Variants in ANGPT1 observed in about 807,000 individuals in gnomAD.
The protein encoded by ANGPT1 is angiopoietin 1.
Under a neutral mutation model 62.2 loss-of-function variants are expected in ANGPT1, and 17 were observed. The ratio of observed to expected loss-of-function variants is 0.27; its 90% CI spans 0.19 to 0.41. The LOEUF is 0.41. Among genes scored for constraint, ANGPT1 ranks in the 10% least tolerant of loss-of-function variants. The probability of loss-of-function intolerance (pLI) is 1.00; values close to 1 mark genes in which losing one functional copy is unlikely to be tolerated. For synonymous variants in ANGPT1, 199 were observed against 198.9 expected (o/e 1.00, Z 0.00); for missense variants, 478 against 594.9 (o/e 0.80, Z 2.04).
chr8:107,395,183 A>T (rs1394043650), intron 1 of ANGPT1, among the ~76,000 whole-genome samples: 23 of 152,154 alleles, frequency 1.5e-4, no homozygotes, highest in Non-Finnish European at 2.9e-5. Flanking sequence ...GAGTACTTAC[A>T]AACTCTTACC....
chr8:107,312,116 C>G (rs115936845), intron 4 of ANGPT1, among the ~76,000 whole-genome samples: 5,540 of 150,402 alleles, frequency 0.037, 322 homozygotes, highest in African/African-American at 0.13. Context: ...AAAGGTACAA[C>G]TGGAAATACA....
chr8:107,336,848 A>T (rs1815581599), intron 2 of ANGPT1, among the ~76,000 whole-genome samples: 1 of 152,030 alleles, frequency 6.6e-6, no homozygotes, highest in Non-Finnish European at 1.5e-5. Flanking sequence ...TGCTTCATAT[A>T]TTTTATCTCC....
intron 1 of ANGPT1, among the ~76,000 whole-genome samples, chr8:107,467,048 T>C (rs1426870279): frequency 2.0e-5 from 3 of 152,142 alleles, no homozygotes; most frequent in Non-Finnish European, 4.4e-5. Flanking sequence ...ATTCATGTCA[T>C]ATTCAACATC....
chr8:107,299,391 GTATATATATATA>G (rs59247214), intron 5 of ANGPT1, among the ~76,000 whole-genome samples: 4 of 112,598 alleles, frequency 3.6e-5, no homozygotes, highest in Non-Finnish European at 5.4e-5. Flanking sequence ...ATGAAGGAGT[GTATATATATATA>G]TATATATATA....
intron 1 of ANGPT1, among the ~76,000 whole-genome samples, chr8:107,401,402 T>A (rs368292393): frequency 1.8e-4 from 28 of 152,198 alleles, no homozygotes; most frequent in African/African-American, 6.0e-4. Context: ...ACAGGACCAC[T>A]AAAATGTGAG....
At position 107,369,838 on chromosome 8, in the gene ANGPT1, A is replaced by C. The variant is rs1038132508; in HGVS notation, c.298-22741T>G. Among the ~76,000 whole-genome samples, 6 of 152,082 alleles carry C rather than the reference A, an allele frequency of 3.9e-5. No individual in the cohort carries two copies. In the South Asian group the frequency reaches 1.0e-3, roughly 26 times the overall value. ...GGCACTCCAAAACGGTTACAATAGC[A>C]ATCTCAATGATCTCAAAGATCACTG... is the stretch of plus-strand genomic sequence containing the variant. On this transcript the variant is annotated intron_variant, in intron 1 of 8. Coordinates refer to ENST00000517746, the MANE Select transcript of ANGPT1 (RefSeq NM_001146.5).
chr8:107,290,378 A>T (rs1167350652), intron 6 of ANGPT1, among the ~76,000 whole-genome samples: 1 of 152,096 alleles, frequency 6.6e-6, no homozygotes, highest in Non-Finnish European at 1.5e-5. Flanking sequence ...AAGACTGGAG[A>T]AGAGTTGGGG....
At chr8:107,313,442 T>TG (rs1219183088) in intron 4 of ANGPT1, among the ~76,000 whole-genome samples, 15 of 126,882 alleles carry the variant, frequency 1.2e-4, no homozygotes, top group African/African-American at 4.5e-4. Flanking sequence ...TTTTTTTTTT[T>TG]TTTTTTTTTT....
chr8:107,370,742 A>C (rs1258838668), intron 1 of ANGPT1, among the ~76,000 whole-genome samples: 1 of 150,694 alleles, frequency 6.6e-6, no homozygotes, highest in Non-Finnish European at 1.5e-5. Context: ...GAAAGGAAGG[A>C]AGAAAAGAAG....
intron 1 of ANGPT1, among the ~76,000 whole-genome samples, chr8:107,359,764 T>C (rs1228692564): frequency 6.6e-6 from 1 of 152,174 alleles, no homozygotes; most frequent in African/African-American, 2.4e-5. Context: ...TTTGTATGCA[T>C]TTGAAAAAGA....
intron 1 of ANGPT1, among the ~76,000 whole-genome samples, chr8:107,387,636 T>A (rs1416730000): frequency 8.8e-6 from 1 of 113,002 alleles, no homozygotes; most frequent in Admixed American, 8.4e-5. Context: ...TAATTGACAC[T>A]AACATTGATT....
At chr8:107,319,161 G>A (rs1187265164) in intron 4 of ANGPT1, among the ~76,000 whole-genome samples, 1 of 152,178 alleles carries the variant, frequency 6.6e-6, no homozygotes, top group Non-Finnish European at 1.5e-5. Context: ...CTTGTATATT[G>A]AGCATCTAAT....
intron 2 of ANGPT1, among the ~76,000 whole-genome samples, chr8:107,337,451 T>C (rs1251184025): frequency 6.6e-6 from 1 of 152,130 alleles, no homozygotes; most frequent in African/African-American, 2.4e-5. Context: ...CCTAAACCTA[T>C]CATTCTCCAG....
At chr8:107,285,428 G>T (rs545814156) in intron 6 of ANGPT1, among the ~76,000 whole-genome samples, 324 of 152,074 alleles carry the variant, frequency 2.1e-3, no homozygotes, top group African/African-American at 7.4e-3. Flanking sequence ...GACTTTTGGA[G>T]CTTTAACTTT....
chr8:107,400,537 C>T (rs898903963), intron 1 of ANGPT1, among the ~76,000 whole-genome samples: 8 of 151,890 alleles, frequency 5.3e-5, no homozygotes, highest in Non-Finnish European at 8.8e-5. Context: ...AGTATTAAAA[C>T]ACTCCTGCAC....
At chr8:107,361,957 G>A in intron 1 of ANGPT1, among the ~76,000 whole-genome samples, 1 of 152,084 alleles carries the variant, frequency 6.6e-6, no homozygotes, top group East Asian at 1.9e-4. Flanking sequence ...TACTCAGAAG[G>A]CTGAGGCAGG....
chr8:107,481,493 C>A (rs1184970030), intron 1 of ANGPT1, among the ~76,000 whole-genome samples: 1 of 129,124 alleles, frequency 7.7e-6, no homozygotes, highest in Non-Finnish European at 1.6e-5. Flanking sequence ...AAGATTACAC[C>A]ACTACACTCC....
At chr8:107,264,881 T>C (rs1375793405) in intron 7 of ANGPT1, among the ~76,000 whole-genome samples, 1 of 152,190 alleles carries the variant, frequency 6.6e-6, no homozygotes, top group Non-Finnish European at 1.5e-5. Flanking sequence ...TTAGGGAAGC[T>C]ATGTAAGCTG....
chr8:107,398,399 A>G (rs1192757417), intron 1 of ANGPT1, among the ~76,000 whole-genome samples: 1 of 152,072 alleles, frequency 6.6e-6, no homozygotes, highest in Non-Finnish European at 1.5e-5. Flanking sequence ...GAAAAGCATG[A>G]GGACTTTACT....
Sources: allele counts gnomAD v4.1 joint callset (sites outside exome capture counted in the v4.1 genomes callset), GRCh38; gene constraint gnomAD v4.1.1; transcripts MANE v1.5; gene names NCBI Gene and HGNC (gene_info 2026-07-23, HGNC 2026-07-21).